The following DOCK10 variants were observed in gnomAD, a reference collection of about 807,000 sequenced individuals.
The protein encoded by DOCK10 is dedicator of cytokinesis protein 10.
DOCK10 carries 145 observed loss-of-function variants against 280.1 expected under a neutral mutation model. The ratio of observed to expected loss-of-function variants is 0.52; its 90% CI spans 0.45 to 0.59. DOCK10 has a LOEUF of 0.59. Among genes scored for constraint, DOCK10 ranks in the 20% least tolerant of loss-of-function variants. The pLI is 0.00. For synonymous variants in DOCK10, 915 were observed against 942.2 expected (o/e 0.97, Z 0.53); for missense variants, 2,368 against 2,651.7 (o/e 0.89, Z 2.35).
rs939613948 is a variant in DOCK10, at chr2:224,832,621, A to T, written c.2964+1529T>A. On this transcript the variant is annotated intron_variant, in intron 26 of 55. Coordinates refer to ENST00000258390, the MANE Select transcript of DOCK10 (RefSeq NM_014689.3). ...AATACTATTCTAGCACTCCAATAGC[A>T]TTCTAATGGCTATTAGAAGTGAAAC... 4.6e-5 allele frequency among the ~76,000 whole-genome samples: 7 copies of T among 152,236 alleles called. No individual in the cohort carries two copies. The East Asian group carries it at 9.6e-4, about 21-fold the overall frequency.
At chr2:224,968,670 CCTAA>C (rs1269854364) in intron 1 of DOCK10, among the ~76,000 whole-genome samples, 2 of 152,180 alleles carry the variant, frequency 1.3e-5, no homozygotes, top group Admixed American at 1.3e-4. Context: ...CAGATTCAGT[CCTAA>C]CTGACTAAGA....
intron 47 of DOCK10, among the ~76,000 whole-genome samples, chr2:224,791,468 C>G (rs1382646210): frequency 7.1e-6 from 1 of 141,322 alleles, no homozygotes; most frequent in African/African-American, 2.6e-5. Flanking sequence ...GTTCAAAAGT[C>G]TTTTTTTTTT....
At chr2:224,819,156 C>A (rs1217044780) in intron 29 of DOCK10, among the ~76,000 whole-genome samples, 2 of 152,198 alleles carry the variant, frequency 1.3e-5, no homozygotes, top group Admixed American at 1.3e-4. Context: ...CCAAGCCAGT[C>A]TAGGGCAAAC....
At chr2:224,817,193 T>C (rs1437816278) in intron 29 of DOCK10, among the ~76,000 whole-genome samples, 1 of 152,230 alleles carries the variant, frequency 6.6e-6, no homozygotes, top group Non-Finnish European at 1.5e-5. Flanking sequence ...CATGTTCTCA[T>C]AGTACATTAA....
At chr2:224,901,128 C>G (rs367871373) in intron 3 of DOCK10, among the ~76,000 whole-genome samples, 1 of 152,168 alleles carries the variant, frequency 6.6e-6, no homozygotes, top group South Asian at 2.1e-4. Context: ...AAATTATTCT[C>G]TATTCTTTGT....
intron 1 of DOCK10, among the ~76,000 whole-genome samples, chr2:224,992,273 G>A (rs73083745): frequency 0.026 from 3,918 of 152,172 alleles, 125 homozygotes; most frequent in East Asian, 0.099. Flanking sequence ...AACCACCCAC[G>A]TCTTAAACAT....
chr2:224,999,968 A>G (rs1328306530), intron 1 of DOCK10, among the ~76,000 whole-genome samples: 1 of 152,204 alleles, frequency 6.6e-6, no homozygotes, highest in Non-Finnish European at 1.5e-5. Flanking sequence ...TTCAGACAGC[A>G]TCCTGCCTGA....
rs545632893 is a variant in DOCK10, at chr2:224,863,359, A to C, written c.1603-613T>G. Reference sequence around the variant, plus strand: ...TCATAAATATGTTAAACTCCTTCCTAAATTGTCATACATGCTAAGATTCAA... The same window carrying C: ...TCATAAATATGTTAAACTCCTTCCTCAATTGTCATACATGCTAAGATTCAA... On this transcript the variant is annotated intron_variant, in intron 13 of 55. Transcript: ENST00000258390. Among the ~76,000 whole-genome samples the C allele has an allele frequency of 2.0e-5, 3 of 152,362 alleles. No homozygotes were observed. In the South Asian group the frequency reaches 6.2e-4, roughly 32 times the overall value.
intron 1 of DOCK10, among the ~76,000 whole-genome samples, chr2:225,032,686 T>G (rs1690114840): frequency 6.6e-6 from 1 of 152,232 alleles, no homozygotes; most frequent in Non-Finnish European, 1.5e-5. Context: ...TCAGCTACAA[T>G]CAATTTCCAT....
intron 2 of DOCK10, among the ~76,000 whole-genome samples, chr2:224,921,092 T>TAAAAAAAAAAA (rs781152272): frequency 3.5e-4 from 21 of 59,460 alleles, no homozygotes; most frequent in African/African-American, 8.7e-4. Flanking sequence ...CCGTCTCTAT[T>TAAAAAAAAAAA]AAAAAAAAAA....
At chr2:224,912,237 G>A (rs934657665) in intron 3 of DOCK10, among the ~76,000 whole-genome samples, 5 of 151,844 alleles carry the variant, frequency 3.3e-5, no homozygotes, top group East Asian at 1.9e-4. Flanking sequence ...CTAGGTTCAA[G>A]TGATTCTCCT....
At chr2:224,779,372 C>T (rs1349934625) in intron 50 of DOCK10, among the ~76,000 whole-genome samples, 3 of 152,062 alleles carry the variant, frequency 2.0e-5, no homozygotes, top group Non-Finnish European at 1.5e-5. Flanking sequence ...TGTACCACCA[C>T]GCCCGGCTAA....
In DOCK10 at chr2:224,805,151, G is replaced by A. The variant is rs778661729; in HGVS notation, c.4052-27C>T. The A allele has an allele frequency of 1.3e-5, 21 of 1,603,268 alleles. No homozygotes were observed. Among genetic ancestry groups the A allele is most frequent in the Admixed American group, 1.7e-5 (1 of 57,572 alleles). ...TAAAAGGAAACACCAGGTAGTATGAGAATCTGAAGGTTTTCTTTTTCCTTT... is the reference window on the plus strand; with the variant it reads ...TAAAAGGAAACACCAGGTAGTATGAAAATCTGAAGGTTTTCTTTTTCCTTT... On this transcript the variant is annotated intron_variant, in intron 36 of 55. Coordinates refer to ENST00000258390, the MANE Select transcript of DOCK10 (RefSeq NM_014689.3). This position sits in a 1 kb window ranked among gnomAD's most constrained non-coding sequence, Gnocchi z 4.3.
At chr2:224,928,552 A>G (rs1702160997) in intron 2 of DOCK10, among the ~76,000 whole-genome samples, 2 of 152,232 alleles carry the variant, frequency 1.3e-5, no homozygotes, top group African/African-American at 4.8e-5. Flanking sequence ...CAGTTTGCCA[A>G]GCTGTACTCT....
At chr2:225,035,568 AT>A (rs1559986557) in intron 1 of DOCK10, among the ~76,000 whole-genome samples, 849 of 57,070 alleles carry the variant, frequency 0.015, 80 homozygotes, top group African/African-American at 0.038. Context: ...ATATATATAT[AT>A]ATATATATAT....
chr2:224,985,345 A>G (rs1705944022), intron 1 of DOCK10, among the ~76,000 whole-genome samples: 2 of 151,844 alleles, frequency 1.3e-5, no homozygotes, highest in African/African-American at 4.8e-5. Flanking sequence ...GCTAGATTTC[A>G]TCCTGGGTCA....
chr2:224,904,949 A>G (rs1409345280), intron 3 of DOCK10, among the ~76,000 whole-genome samples: 1 of 152,200 alleles, frequency 6.6e-6, no homozygotes, highest in Non-Finnish European at 1.5e-5. Context: ...GAGCAGCATG[A>G]AGTACTTTTA....
intron 11 of DOCK10, 33 bp from the exon 12 acceptor site, chr2:224,865,120 T>G (rs372107239): frequency 1.3e-6 from 2 of 1,595,618 alleles, no homozygotes; most frequent in African/African-American, 2.7e-5. Context: ...ATGTTTTTGA[T>G]ATAAAATCAT....
At chr2:224,791,944 ATGT>A (rs1692225941) in intron 47 of DOCK10, among the ~76,000 whole-genome samples, 2 of 152,208 alleles carry the variant, frequency 1.3e-5, no homozygotes, top group Admixed American at 1.3e-4. Flanking sequence ...ACATCTAAAA[ATGT>A]TGTTTGTACA....
Sources: gnomAD v4.1 joint callset for allele counts (sites outside exome capture counted in the v4.1 genomes callset) on GRCh38, gnomAD v4.1.1 for gene constraint, Gnocchi (gnomAD v3.1) non-coding constraint, MANE v1.5 for transcripts, NCBI Gene and HGNC (gene_info 2026-07-23, HGNC 2026-07-21) for gene names.